The following UGP2 variants were observed in gnomAD, a reference collection of about 807,000 sequenced individuals.
The protein encoded by UGP2 is UDP-glucose pyrophosphorylase 2.
A neutral mutation model predicts 49.0 loss-of-function variants in UGP2; 40 were observed. The ratio of observed to expected loss-of-function variants is 0.82; its 90% CI spans 0.63 to 1.06. The LOEUF (loss-of-function observed/expected upper bound fraction) is 1.06, where lower values mean the gene tolerates loss of function less well. Ranked by LOEUF, UGP2 falls within the 50% of genes least tolerant of loss-of-function variation. The pLI is 0.00. For synonymous variants in UGP2, 225 were observed against 213.0 expected (o/e 1.06, Z -0.49); for missense variants, 460 against 603.5 (o/e 0.76, Z 2.49).
At chr2:63,878,740 T>A (rs1428074434) in intron 3 of UGP2, among the ~76,000 whole-genome samples, 2 of 152,042 alleles carry the variant, frequency 1.3e-5, no homozygotes, top group African/African-American at 4.8e-5. Flanking sequence ...ATTAAAAAAA[T>A]TTTTTTGTAG....
At position 63,890,013 on chromosome 2, in the gene UGP2, T is replaced by A. The variant is rs538565487; in HGVS notation, c.1315-68T>A. 2.3e-4 allele frequency: 286 copies of A among 1,233,952 alleles called. 3 individuals are homozygous for A. The South Asian group carries it at 3.6e-3, about 16-fold the overall frequency. The allele number at this position is 1,233,952 out of a possible 1,614,324, so 76.4% of individuals were successfully genotyped here. On this transcript the variant is annotated intron_variant, in intron 8 of 9. Coordinates refer to ENST00000337130, the MANE Select transcript of UGP2 (RefSeq NM_006759.4). ...TCTACAGTTCAGTTAAACTTTCTTG[T>A]TAATATTTTTCCTGTCTTTCTTTGA...
chr2:63,855,654 G>A, intron 1 of UGP2: 1 of 438,500 alleles, frequency 2.3e-6, no homozygotes, highest in Admixed American at 2.5e-5. Flanking sequence ...GTATCCTCCT[G>A]CTTCAGCCTT....
chr2:63,860,762 ATTTTTTT>A (rs556819048), intron 3 of UGP2, among the ~76,000 whole-genome samples: 24 of 123,702 alleles, frequency 1.9e-4, no homozygotes, highest in South Asian at 8.3e-4. Flanking sequence ...GGCCCAGCTA[ATTTTTTT>A]TTTTTTTTTT....
chr2:63,842,657 G>C (rs1671649483), intron 1 of UGP2: 2 of 1,395,494 alleles, frequency 1.4e-6, no homozygotes, highest in Non-Finnish European at 1.9e-6. Flanking sequence ...TACTTCGTTT[G>C]TGTGTACGTG....
intron 3 of UGP2, among the ~76,000 whole-genome samples, chr2:63,882,201 A>G (rs1671364113): frequency 6.6e-6 from 1 of 152,218 alleles, no homozygotes; most frequent in African/African-American, 2.4e-5. Flanking sequence ...CAGCCAGACA[A>G]TATATAGGGC....
At chr2:63,890,839 C>T (rs1390417640) in intron 9 of UGP2, among the ~76,000 whole-genome samples, 1 of 149,104 alleles carries the variant, frequency 6.7e-6, no homozygotes, top group Non-Finnish European at 1.5e-5. Flanking sequence ...GCAAGTAGGC[C>T]TCCAAAAGGG....
intron 1 of UGP2, among the ~76,000 whole-genome samples, chr2:63,848,345 AAACC>A (rs1668810228): frequency 6.6e-6 from 1 of 152,180 alleles, no homozygotes; most frequent in Non-Finnish European, 1.5e-5. Context: ...CTATTAACTG[AAACC>A]ATACTTCTTA....
chr2:63,852,260 A>G (rs1481068774), intron 1 of UGP2, among the ~76,000 whole-genome samples: 2 of 152,218 alleles, frequency 1.3e-5, no homozygotes, highest in Non-Finnish European at 2.9e-5. Context: ...TCAAAGCCAT[A>G]CTGGCAATGT....
rs1347177257 is a variant in UGP2 at position 63,891,549 on chromosome 2, G to C, written c.*322G>C. The C allele has an allele frequency of 6.3e-5, 12 of 190,182 alleles. No individual in the cohort carries two copies. The East Asian group carries it at 1.6e-3, about 26-fold the overall frequency. The allele number at this position is 190,182 out of a possible 1,614,324, so 11.8% of individuals were successfully genotyped here. On this transcript the variant is annotated 3_prime_UTR_variant, in exon 10 of 10. Transcript: ENST00000337130. Reference sequence around the variant, plus strand: ...AATTGCTTGTGATTTCAAAAATAAAGCAGTGAAGCAATACTTGTGTACACT... The same window carrying C: ...AATTGCTTGTGATTTCAAAAATAAACCAGTGAAGCAATACTTGTGTACACT...
intron 1 of UGP2, among the ~76,000 whole-genome samples, chr2:63,844,383 G>A (rs1671786160): frequency 6.6e-6 from 1 of 152,108 alleles, no homozygotes; most frequent in Admixed American, 6.5e-5. Flanking sequence ...CTGGCACTTA[G>A]TAGTTCATGC....
intron 3 of UGP2, among the ~76,000 whole-genome samples, chr2:63,869,273 C>G (rs377410587): frequency 6.6e-6 from 1 of 152,182 alleles, no homozygotes; most frequent in East Asian, 1.9e-4. Flanking sequence ...TGAGTAGAGA[C>G]CTACAGTCTG....
intron 8 of UGP2, 60 bp downstream of exon 8, chr2:63,887,704 G>A: frequency 6.3e-7 from 1 of 1,584,350 alleles, no homozygotes; most frequent in Non-Finnish European, 8.6e-7. Flanking sequence ...ATAAAGATAT[G>A]ATATACATGT....
intron 1 of UGP2, among the ~76,000 whole-genome samples, chr2:63,843,420 C>A (rs1027302496): frequency 6.6e-6 from 1 of 152,138 alleles, no homozygotes; most frequent in Non-Finnish European, 1.5e-5. Flanking sequence ...CTGTTAGAAA[C>A]GTACTGGTTT....
chr2:63,869,711 T>G (rs555324164), intron 3 of UGP2, among the ~76,000 whole-genome samples: 1 of 152,158 alleles, frequency 6.6e-6, no homozygotes, highest in Admixed American at 6.5e-5. Context: ...CATGAATGAT[T>G]GTGTTAGTAC....
chr2:63,852,863 C>T lies in UGP2; in HGVS notation c.20-3443C>T, dbSNP rs143911728. 1.3e-3 allele frequency among the ~76,000 whole-genome samples: 201 copies of T among 152,162 alleles called. 1 individual carries two copies. The highest frequency in any genetic ancestry group is 4.6e-3 in the African/African-American group (191 of 41,518). ...TTAGTTTCTACGGAAATGTTAATGC[C>T]GTGGAGAACAGGGTGGGCAAAAGAG... On this transcript the variant is annotated intron_variant, in intron 1 of 9. Transcript: ENST00000337130.
At chr2:63,873,512 G>A (rs558763002) in intron 3 of UGP2, among the ~76,000 whole-genome samples, 1 of 152,248 alleles carries the variant, frequency 6.6e-6, no homozygotes, top group South Asian at 2.1e-4. Flanking sequence ...TAGTCTGAAA[G>A]AGGCTCCATT....
intron 2 of UGP2, chr2:63,856,731 T>C: frequency 2.1e-6 from 1 of 483,734 alleles, no homozygotes. Flanking sequence ...AATGCATACC[T>C]GTGTTCAGTT....
intron 3 of UGP2, among the ~76,000 whole-genome samples, chr2:63,873,301 T>C (rs1401431416): frequency 1.3e-5 from 2 of 152,206 alleles, no homozygotes; most frequent in East Asian, 1.9e-4. Context: ...CAGCTTCTTA[T>C]TCAAGCCAAA....
chr2:63,876,757 T>C (rs1023110998), intron 3 of UGP2, among the ~76,000 whole-genome samples: 10 of 152,238 alleles, frequency 6.6e-5, no homozygotes, highest in Admixed American at 1.3e-4. Flanking sequence ...CATAAGTCTC[T>C]GTATTGTGAG....
Sources: allele counts gnomAD v4.1 joint callset (sites outside exome capture counted in the v4.1 genomes callset), GRCh38; gene constraint gnomAD v4.1.1; transcripts MANE v1.5; gene names NCBI Gene and HGNC (gene_info 2026-07-23, HGNC 2026-07-21).